The following STIP1 variants were observed in gnomAD, a reference collection of about 807,000 sequenced individuals.
STIP1 encodes the protein stress induced phosphoprotein 1, also known as stress-induced-phosphoprotein 1.
STIP1 carries 16 observed loss-of-function variants against 77.4 expected under a neutral mutation model. That is an observed-to-expected ratio of 0.21 (90% CI 0.14 to 0.31). The LOEUF (loss-of-function observed/expected upper bound fraction) is 0.31, where lower values mean the gene tolerates loss of function less well. Among genes scored for constraint, STIP1 ranks in the 10% least tolerant of loss-of-function variants. The pLI is 1.00. For missense variants in STIP1, 524 were observed against 684.8 expected, an observed-to-expected ratio of 0.77 and a Z score of 2.62; for synonymous variants, 258 against 246.6, an observed-to-expected ratio of 1.05 and a Z score of -0.44.
chr11:64,191,333 C>T (rs1244303682), intron 1 of STIP1, among the ~76,000 whole-genome samples: 3 of 151,680 alleles, frequency 2.0e-5, no homozygotes, highest in African/African-American at 7.3e-5. Context: ...TATGGCCAGG[C>T]GCGGTGGCTC....
chr11:64,186,085 G>T (rs1207441882), upstream of STIP1: 5 of 1,549,304 alleles, frequency 3.2e-6, no homozygotes, highest in South Asian at 4.8e-5. Flanking sequence ...TGGACCTCAA[G>T]CCAATAGTAG....
intron 2 of STIP1, among the ~76,000 whole-genome samples, chr11:64,193,806 G>C (rs1026241254): frequency 6.6e-6 from 1 of 152,076 alleles, no homozygotes; most frequent in Non-Finnish European, 1.5e-5. Context: ...GAAGAGGCCC[G>C]GTACAGTGGC....
chr11:64,186,320 G>A lies in STIP1; in HGVS notation c.9+50G>A, dbSNP rs557076541. The A allele has an allele frequency of 1.6e-5, 24 of 1,492,918 alleles. 1 individual carries two copies. In the African/African-American group the frequency reaches 2.3e-4, roughly 14 times the overall value. The allele number at this position is 1,492,918 out of a possible 1,614,324, so 92.5% of individuals were successfully genotyped here. Reference sequence around the variant, plus strand: ...GCCCCGAGCCTGCTCGGGGACCGGCGGTGGCCAGGCCGCGGTAGGGGGGCG... The same window carrying A: ...GCCCCGAGCCTGCTCGGGGACCGGCAGTGGCCAGGCCGCGGTAGGGGGGCG... On this transcript the variant is annotated intron_variant, in intron 1 of 13. Coordinates refer to ENST00000305218, the MANE Select transcript of STIP1 (RefSeq NM_006819.3).
intron 1 of STIP1, 125 bp downstream of exon 1, chr11:64,186,395 GGGC>G: frequency 9.1e-7 from 1 of 1,098,564 alleles, no homozygotes; most frequent in Non-Finnish European, 1.2e-6. Flanking sequence ...GGGCCGGACG[GGGC>G]GGCGGCGGGG....
rs189647751 is a variant in STIP1 at position 64,201,895 on chromosome 11, G to A, written c.1246-981G>A. ...AGGGGAGCTCAGTGTACTGCATAGTGTTCTCTTCCTCATCATTTCTCACTT... is the reference window on the plus strand; with the variant it reads ...AGGGGAGCTCAGTGTACTGCATAGTATTCTCTTCCTCATCATTTCTCACTT... On this transcript the variant is annotated intron_variant, in intron 10 of 13. Transcript: ENST00000305218. Among the ~76,000 whole-genome samples the A allele has an allele frequency of 3.9e-5, 6 of 152,334 alleles. No individual in the cohort carries two copies. The East Asian group carries it at 1.2e-3, about 29-fold the overall frequency.
intron 11 of STIP1, 91 bp from the exon 12 acceptor site, chr11:64,203,034 G>A: frequency 1.9e-6 from 3 of 1,591,396 alleles, no homozygotes; most frequent in Non-Finnish European, 2.6e-6. Context: ...AACATCAGCA[G>A]GTGTGAACAG....
At position 64,203,552 on chromosome 11, in the gene STIP1, C is replaced by G. The variant is rs1215181779; in HGVS notation, c.1489C>G (p.Gln497Glu). The G allele has an allele frequency of 6.2e-7, 1 of 1,614,188 alleles. No individual in the cohort carries two copies. Among genetic ancestry groups the G allele is most frequent in the East Asian group, 2.2e-5 (1 of 44,884 alleles). ...AGCCATGGCCGACCCTGAGGTGCAG[C>G]AGATCATGAGTGACCCAGCCATGCG... Reference protein sequence around the residue: ...RRAMADPEVQQIMSDPAMRLI... With the variant: ...RRAMADPEVQEIMSDPAMRLI... Residue 497 changes from glutamine (Q) to glutamate (E), a missense_variant, in exon 13 of 14, where the codon CAG becomes GAG. By Grantham distance (29) the Gln-to-Glu change is conservative. Transcript: ENST00000305218.
At chr11:64,203,054 G>A in intron 11 of STIP1, 71 bp from the exon 12 acceptor site, 1 of 1,596,198 alleles carries the variant, frequency 6.3e-7, no homozygotes, top group Non-Finnish European at 8.6e-7. Context: ...GTGTTGGTGT[G>A]CAGGTGAAGA....
rs1946012106 is a variant in STIP1 at position 64,186,184 on chromosome 11, T to C, written c.-78T>C. The C allele has an allele frequency of 6.5e-7, 1 of 1,550,096 alleles. No homozygotes were observed. Among genetic ancestry groups the C allele is most frequent in the Admixed American group, 2.0e-5 (1 of 50,972 alleles). The stretch of plus-strand genomic sequence containing the variant: ...CGGGGTCCCGGTAGCTTCTAGTAGG[T>C]TCCAGAAGGCGGCGCGTGCGGTTGG... On this transcript the variant is annotated 5_prime_UTR_variant, in exon 1 of 14. Coordinates refer to ENST00000305218, the MANE Select transcript of STIP1 (RefSeq NM_006819.3).
At position 64,202,938 on chromosome 11, in the gene STIP1, C is replaced by T. The variant is rs765940753; in HGVS notation, c.1282+26C>T. 7 of 1,614,088 alleles carry T rather than the reference C, an allele frequency of 4.3e-6. No homozygotes were observed. In the African/African-American group the frequency reaches 6.7e-5, roughly 15 times the overall value. ...GTAAGTGCCTTTCTGCTGCCTGTCCCCTGTCTCTAGCCAAAAGATTAGAGA... is the reference window on the plus strand; with the variant it reads ...GTAAGTGCCTTTCTGCTGCCTGTCCTCTGTCTCTAGCCAAAAGATTAGAGA... On this transcript the variant is annotated intron_variant, in intron 11 of 13. Transcript: ENST00000305218.
At chr11:64,187,920 AC>A (rs1946044029) in intron 1 of STIP1, among the ~76,000 whole-genome samples, 1 of 151,354 alleles carries the variant, frequency 6.6e-6, no homozygotes, top group South Asian at 2.1e-4. Flanking sequence ...CAGGAGAATG[AC>A]GTGAACCCTG....
chr11:64,199,966 G>A lies in STIP1; in HGVS notation c.1050G>A (p.Glu350=). 1 of 1,614,174 alleles carries A rather than the reference G, an allele frequency of 6.2e-7. No homozygotes were observed. Among genetic ancestry groups the A allele is most frequent in the Non-Finnish European group, 8.5e-7 (1 of 1,180,042 alleles). Residue 350 remains glutamate, a synonymous_variant, in exon 9 of 14, where the codon GAG becomes GAA. Coordinates refer to ENST00000305218, the MANE Select transcript of STIP1 (RefSeq NM_006819.3). ...QQAEKILKEQ[E]RLAYINPDLA... ...CAGAGAAAATCCTGAAGGAGCAAGA[G>A]CGGCTGGCCTACATAAACCCCGACC... is the stretch of plus-strand genomic sequence containing the variant.
At position 64,197,595 on chromosome 11, in the gene STIP1, A is replaced by G; in HGVS notation, c.902A>G (p.Lys301Arg). The G allele has an allele frequency of 1.2e-6, 2 of 1,614,148 alleles. No homozygotes were observed. Among genetic ancestry groups the G allele is most frequent in the South Asian group, 2.2e-5 (2 of 91,076 alleles). The change falls in exon 7 of 14, where the codon AAA (lysine) becomes AGA (arginine). Residue 301 changes from lysine to arginine, a missense_variant and splice_region_variant. Lys to Arg is a conservative substitution (Grantham distance 26). Transcript: ENST00000305218. ...ENREDYRQIA[K>R]AYARIGNSYF... is the part of the protein sequence containing the mutation. ...CGAGAAGACTATCGACAGATTGCCAAGTAGGCTCAACCTTCCAGAATACCT... is the reference window on the plus strand; with the variant it reads ...CGAGAAGACTATCGACAGATTGCCAGGTAGGCTCAACCTTCCAGAATACCT...
rs1181749079 is a variant in STIP1 at position 64,194,459 on chromosome 11, G to C, written c.362-20G>C. 6.2e-7 allele frequency: 1 copy of C among 1,613,982 alleles called. No individual in the cohort carries two copies. The highest frequency in any genetic ancestry group is 8.5e-7 in the Non-Finnish European group (1 of 1,179,886). On this transcript the variant is annotated intron_variant, in intron 3 of 13. Coordinates refer to ENST00000305218, the MANE Select transcript of STIP1 (RefSeq NM_006819.3). ...TAGTGAACTCATTTCATAGTGATGT[G>C]CTTTCCTTTATTTGGACAGAGAGAA...
In STIP1 at chr11:64,199,998, T is replaced by C; in HGVS notation, c.1082T>C (p.Leu361Ser). 1 of 1,614,172 alleles carries C rather than the reference T, an allele frequency of 6.2e-7. No homozygotes were observed. The highest frequency in any genetic ancestry group is 8.5e-7 in the Non-Finnish European group (1 of 1,180,034). ...GCCTACATAAACCCCGACCTGGCTT[T>C]GGAGGAGAAGAACAAAGGCAACGAG... ...RLAYINPDLA[L>S]EEKNKGNECF... Residue 361 changes from leucine (L) to serine (S), a missense_variant, in exon 9 of 14, where the codon TTG becomes TCG. Leu to Ser is a moderately radical substitution (Grantham distance 145). Transcript: ENST00000305218.
chr11:64,199,678 C>T (rs1046689844), intron 8 of STIP1, among the ~76,000 whole-genome samples: 11 of 150,298 alleles, frequency 7.3e-5, no homozygotes, highest in Admixed American at 1.3e-4. Context: ...ATTCTCCTGC[C>T]TCAGTCTCCC....
intron 1 of STIP1, among the ~76,000 whole-genome samples, chr11:64,192,260 G>A (rs1405900880): frequency 2.0e-5 from 3 of 152,334 alleles, no homozygotes; most frequent in Admixed American, 2.0e-4. Flanking sequence ...GTTGCAGTGA[G>A]CCGAGATCGT....
At chr11:64,189,074 A>G (rs570885564) in intron 1 of STIP1, among the ~76,000 whole-genome samples, 76 of 152,270 alleles carry the variant, frequency 5.0e-4, no homozygotes, top group African/African-American at 1.8e-3. Context: ...AGAAAAAAGA[A>G]AAACTGGGCC....
At chr11:64,198,093 C>G in intron 8 of STIP1, 119 bp downstream of exon 8, 3 of 1,370,552 alleles carry the variant, frequency 2.2e-6, no homozygotes, top group Non-Finnish European at 2.9e-6. Context: ...GGGTCTCACT[C>G]TTTCACCCAG....
Sources: allele counts gnomAD v4.1 joint callset (sites outside exome capture counted in the v4.1 genomes callset), GRCh38; gene constraint gnomAD v4.1.1; transcripts MANE v1.5; gene names NCBI Gene and HGNC (gene_info 2026-07-23, HGNC 2026-07-21).